ARRB2: variants seen among roughly 807,000 people sequenced by gnomAD.
ARRB2 encodes the protein arrestin beta 2.
ARRB2 carries 21 observed loss-of-function variants against 53.4 expected under a neutral mutation model. The observed-to-expected ratio is 0.39, with a 90% CI of 0.28 to 0.57. The LOEUF (loss-of-function observed/expected upper bound fraction) is 0.57. Ranked by LOEUF, ARRB2 falls within the 20% of genes least tolerant of loss-of-function variation. ARRB2 has a pLI of 0.55. For synonymous variants in ARRB2, 180 were observed against 212.9 expected (o/e 0.85, Z 1.34); for missense variants, 369 against 527.5 (o/e 0.70, Z 2.94).
chr17:4,716,849 T>G (rs1365550631), intron 5 of ARRB2: 2 of 745,118 alleles, frequency 2.7e-6, no homozygotes, highest in African/African-American at 3.5e-5. Flanking sequence ...TTTTTGTTGT[T>G]GTTGAGACAA....
At chr17:4,720,762 AT>A in intron 14 of ARRB2, 122 bp downstream of exon 14, 1 of 1,099,868 alleles carries the variant, frequency 9.1e-7, no homozygotes. Flanking sequence ...TCAAATCAAG[AT>A]GCCTTAGCCT....
rs749455032 is a variant in ARRB2 at position 4,720,602 on chromosome 17, T to G, written c.1098T>G (p.Asp366Glu). The change falls in exon 14 of 15, where the codon GAT becomes GAG. Residue 366 changes from aspartate to glutamate, a missense_variant. By Grantham distance (45) the Asp-to-Glu change is conservative. Transcript: ENST00000269260. ...TCCCCCCAGCCGCTCCGGAGACAGATGTCCCTGTGGACACCAACCTCATTG... is the reference window on the plus strand; with the variant it reads ...TCCCCCCAGCCGCTCCGGAGACAGAGGTCCCTGTGGACACCAACCTCATTG... ...PRPQSAAPETDVPVDTNLIEF... is the reference protein window; with the variant it reads ...PRPQSAAPETEVPVDTNLIEF... 1 of 1,582,754 alleles carries G rather than the reference T, an allele frequency of 6.3e-7. No individual in the cohort carries two copies. Among genetic ancestry groups the G allele is most frequent in the East Asian group, 2.3e-5 (1 of 44,412 alleles).
intron 1 of ARRB2, among the ~76,000 whole-genome samples, chr17:4,711,374 G>C (rs542013038): frequency 6.6e-6 from 1 of 152,204 alleles, no homozygotes; most frequent in East Asian, 1.9e-4. Flanking sequence ...GATGTTTTCT[G>C]TGCAATCGAG....
Position 4,716,453 on chromosome 17 carries a change from G to A in ARRB2, c.202G>A (p.Asp68Asn). 6.2e-7 allele frequency: 1 copy of A among 1,614,188 alleles called. No individual in the cohort carries two copies. The highest frequency in any genetic ancestry group is 1.1e-5 in the South Asian group (1 of 91,086). Reference sequence around the variant, plus strand: ...CTGCGCCTTCCGCTATGGCCGTGAAGACCTGGATGTGCTGGGCTTGTCCTT... The same window carrying A: ...CTGCGCCTTCCGCTATGGCCGTGAAAACCTGGATGTGCTGGGCTTGTCCTT... ...LTCAFRYGRE[D>N]LDVLGLSFRK... Residue 68 changes from aspartate to asparagine, a missense_variant, in exon 5 of 15, where the codon GAC becomes AAC. Transcript: ENST00000269260.
rs1915439425 is a variant in ARRB2, at chr17:4,719,278, C to G, written c.780-5C>G. Reference sequence around the variant, plus strand: ...AGCATCTTGTTCTCTTGTCCCCACCCCCAGTGACCAGGTATCTCCCAGCTC... The same window carrying G: ...AGCATCTTGTTCTCTTGTCCCCACCGCCAGTGACCAGGTATCTCCCAGCTC... On this transcript the variant is annotated splice_region_variant and splice_polypyrimidine_tract_variant and intron_variant, in intron 10 of 14. Transcript: ENST00000269260. 1.2e-6 allele frequency: 2 copies of G among 1,609,874 alleles called. No homozygotes were observed. The highest frequency in any genetic ancestry group is 1.7e-6 in the Non-Finnish European group (2 of 1,177,168).
chr17:4,720,376 C>T lies in ARRB2; in HGVS notation c.1002-17C>T. 6.2e-7 allele frequency: 1 copy of T among 1,613,758 alleles called. No individual in the cohort carries two copies. The highest frequency in any genetic ancestry group is 1.1e-5 in the South Asian group (1 of 91,048). On this transcript the variant is annotated splice_polypyrimidine_tract_variant and intron_variant, in intron 12 of 14. Coordinates refer to ENST00000269260, the MANE Select transcript of ARRB2 (RefSeq NM_004313.4). Reference sequence around the variant, plus strand: ...CCATGTCGTCGTCCTCTTCACGATGCCTCTCCCCTTCCCCAGGGATGTCTC... The same window carrying T: ...CCATGTCGTCGTCCTCTTCACGATGTCTCTCCCCTTCCCCAGGGATGTCTC...
chr17:4,714,396 G>T (rs1338458299), intron 1 of ARRB2, among the ~76,000 whole-genome samples: 1 of 152,238 alleles, frequency 6.6e-6, no homozygotes, highest in African/African-American at 2.4e-5. Flanking sequence ...ATATGCTCCA[G>T]CTGTCAGAGC....
Position 4,720,948 on chromosome 17 carries a change from A to G in ARRB2, c.1139A>G (p.Tyr380Cys), listed in dbSNP as rs1464039500. Residue 380 changes from tyrosine (Y) to cysteine (C), a missense_variant and splice_region_variant, in exon 15 of 15, where the codon TAT (tyrosine) becomes TGT (cysteine). Transcript: ENST00000269260. ...DTNLIEFDTN[Y>C]ATDDDIVFED... ...CAACCCTCTTTCCCACCACCAAGCT[A>G]TGCCACAGATGATGACATTGTGTTT... 2 of 1,613,800 alleles carry G rather than the reference A, an allele frequency of 1.2e-6. No homozygotes were observed. The highest frequency in any genetic ancestry group is 1.3e-5 in the African/African-American group (1 of 74,894).
At chr17:4,715,082 G>A in intron 2 of ARRB2, 39 bp downstream of exon 2, 1 of 1,594,980 alleles carries the variant, frequency 6.3e-7, no homozygotes, top group Non-Finnish European at 8.5e-7. Context: ...ACCCTCCCTG[G>A]GCCCCAACAA....
At chr17:4,711,979 C>T (rs1914457819) in intron 1 of ARRB2, among the ~76,000 whole-genome samples, 2 of 152,226 alleles carry the variant, frequency 1.3e-5, no homozygotes, top group South Asian at 2.1e-4. Flanking sequence ...AGTATATGCA[C>T]GCTGCTCCTC....
chr17:4,714,949 T>C, intron 1 of ARRB2, 64 bp from the exon 2 acceptor site: 9 of 1,530,644 alleles, frequency 5.9e-6, no homozygotes, highest in Non-Finnish European at 7.1e-6. Context: ...AGGGAGAGGG[T>C]CCTGGTGTGG....
chr17:4,716,730 C>T (rs1463787080), intron 5 of ARRB2, 122 bp downstream of exon 5: 5 of 1,448,042 alleles, frequency 3.5e-6, no homozygotes. Context: ...CCTAGATCCA[C>T]TTCCCTTCAG....
At chr17:4,718,730 A>G (rs779125455) in intron 10 of ARRB2, 46 bp downstream of exon 10, 1 of 1,553,870 alleles carries the variant, frequency 6.4e-7, no homozygotes, top group Admixed American at 1.8e-5. Context: ...GGAGAAGAGC[A>G]GGATCAGGAG....
In ARRB2 at chr17:4,717,559, C is replaced by T; in HGVS notation, c.418-126C>T. 7.8e-7 allele frequency: 1 copy of T among 1,287,026 alleles called. No homozygotes were observed. Among genetic ancestry groups the T allele is most frequent in the Non-Finnish European group, 1.1e-6 (1 of 901,072 alleles). The allele number at this position is 1,287,026 out of a possible 1,614,324, so 79.7% of individuals were successfully genotyped here. On this transcript the variant is annotated intron_variant, in intron 6 of 14. Coordinates refer to ENST00000269260, the MANE Select transcript of ARRB2 (RefSeq NM_004313.4). This position sits in a 1 kb window ranked among gnomAD's most constrained non-coding sequence, Gnocchi z 6.0. The stretch of plus-strand genomic sequence containing the variant: ...GCTTTGGAGAGGAAGAAGACTTAGT[C>T]CCCAGGGTCGTGAGACCACAATGAG...
Position 4,720,219 on chromosome 17 carries a change from G to A in ARRB2, c.921G>A (p.Val307=). The part of the protein sequence containing the change: ...EDTNLASSTI[V]KEGANKEVLG... The stretch of plus-strand genomic sequence containing the variant: ...ACTCCAACACCCTCAATTGCAGCGT[G>A]AAGGAGGGTGCCAACAAGGAGGTGC... Residue 307 remains valine (V), a synonymous_variant, in exon 12 of 15, where the codon GTG becomes GTA. Transcript: ENST00000269260. 6.2e-7 allele frequency: 1 copy of A among 1,612,568 alleles called. No individual in the cohort carries two copies. Among genetic ancestry groups the A allele is most frequent in the Non-Finnish European group, 8.5e-7 (1 of 1,179,328 alleles).
chr17:4,719,227 G>T (rs564625327), intron 10 of ARRB2, 56 bp from the exon 11 acceptor site: 2 of 1,574,948 alleles, frequency 1.3e-6, no homozygotes. Flanking sequence ...GTCATAGGCC[G>T]CCCCTTGCCC....
chr17:4,712,172 AG>A (rs1003900705), intron 1 of ARRB2, among the ~76,000 whole-genome samples: 1 of 152,140 alleles, frequency 6.6e-6, no homozygotes, highest in Non-Finnish European at 1.5e-5. Context: ...AGCAAAGGGG[AG>A]GGAGAGCCTG....
intron 1 of ARRB2, among the ~76,000 whole-genome samples, chr17:4,713,233 G>C (rs528899004): frequency 3.3e-5 from 5 of 152,294 alleles, no homozygotes; most frequent in Middle Eastern, 3.4e-3. Flanking sequence ...AGTGACTCAA[G>C]CCTGTAATCC....
At position 4,718,824 on chromosome 17, in the gene ARRB2, C is replaced by A; in HGVS notation, c.779+140C>A. Reference sequence around the variant, plus strand: ...AGATGGAGTTTTTGCTCTTGTTGCCCAGCCTGGAGTGCAATGGGGCAACCT... The same window carrying A: ...AGATGGAGTTTTTGCTCTTGTTGCCAAGCCTGGAGTGCAATGGGGCAACCT... On this transcript the variant is annotated intron_variant, in intron 10 of 14. Transcript: ENST00000269260. 4 of 926,202 alleles carry A rather than the reference C, an allele frequency of 4.3e-6. No homozygotes were observed. The South Asian group carries it at 5.1e-5, about 12-fold the overall frequency. The allele number at this position is 926,202 out of a possible 1,614,324, so 57.4% of individuals were successfully genotyped here.
Sources: gnomAD v4.1 joint callset for allele counts (sites outside exome capture counted in the v4.1 genomes callset) on GRCh38, gnomAD v4.1.1 for gene constraint, Gnocchi (gnomAD v3.1) non-coding constraint, MANE v1.5 for transcripts, NCBI Gene and HGNC (gene_info 2026-07-23, HGNC 2026-07-21) for gene names.